The following ANO4 variants were observed in gnomAD, a reference collection of about 807,000 sequenced individuals.
The protein encoded by ANO4 is anoctamin-4.
Under a neutral mutation model 141.9 loss-of-function variants are expected in ANO4, and 69 were observed. That is an observed-to-expected ratio of 0.49 (90% CI 0.40 to 0.59). ANO4 has a LOEUF of 0.59. Among genes scored for constraint, ANO4 ranks in the 20% least tolerant of loss-of-function variants. ANO4 has a pLI of 0.00. For synonymous variants in ANO4, 350 were observed against 394.3 expected (o/e 0.89, Z 1.33); for missense variants, 894 against 1,162.2 (o/e 0.77, Z 3.36).
At chr12:100,824,355 C>G (rs1016836633) in intron 1 of ANO4, among the ~76,000 whole-genome samples, 1 of 151,906 alleles carries the variant, frequency 6.6e-6, no homozygotes, top group African/African-American at 2.4e-5. Context: ...TTAAAGATTC[C>G]TTTCCAAGAT....
chr12:100,820,843 C>T (rs1184317636), intron 1 of ANO4, among the ~76,000 whole-genome samples: 1 of 152,074 alleles, frequency 6.6e-6, no homozygotes, highest in Non-Finnish European at 1.5e-5. Context: ...GCTCTTCCTT[C>T]TGCTTTGTCA....
chr12:100,760,617 G>A (rs778318204), intron 3 of ANO4, among the ~76,000 whole-genome samples: 1 of 152,114 alleles, frequency 6.6e-6, no homozygotes, highest in Non-Finnish European at 1.5e-5. Context: ...AATGCTTTAT[G>A]CTGTGGAGTC....
At chr12:101,060,080 C>T (rs1329882814) in intron 14 of ANO4, among the ~76,000 whole-genome samples, 1 of 152,146 alleles carries the variant, frequency 6.6e-6, no homozygotes, top group African/African-American at 2.4e-5. Flanking sequence ...GTACGTTGTG[C>T]CTTTGTTCCC....
At chr12:100,760,649 T>A (rs1423391145) in intron 3 of ANO4, among the ~76,000 whole-genome samples, 1 of 152,200 alleles carries the variant, frequency 6.6e-6, no homozygotes, top group Non-Finnish European at 1.5e-5. Context: ...CCTTCCCCTC[T>A]AGTCTTGTAA....
At chr12:100,884,321 A>AT (rs2135966161) in intron 1 of ANO4, among the ~76,000 whole-genome samples, 1 of 152,326 alleles carries the variant, frequency 6.6e-6, no homozygotes, top group Non-Finnish European at 1.5e-5. Flanking sequence ...AGTTAAGGAA[A>AT]TTAAATATCG....
At position 101,116,669 on chromosome 12, in the gene ANO4, C is replaced by T. The variant is rs775052449; in HGVS notation, c.2451-10C>T. The stretch of plus-strand genomic sequence containing the variant: ...AGTGTTCTAATGGTAGAATGTGCCT[C>T]CTCTTATAGGTGCATGGTTGGCTAT... On this transcript the variant is annotated splice_polypyrimidine_tract_variant and intron_variant, in intron 24 of 27. Transcript: ENST00000392977. 1 of 1,614,062 alleles carries T rather than the reference C, an allele frequency of 6.2e-7. No individual in the cohort carries two copies. The highest frequency in any genetic ancestry group is 8.5e-7 in the Non-Finnish European group (1 of 1,179,980).
At chr12:100,893,248 T>A (rs984792781) in intron 1 of ANO4, among the ~76,000 whole-genome samples, 2 of 151,944 alleles carry the variant, frequency 1.3e-5, no homozygotes, top group African/African-American at 4.8e-5. Flanking sequence ...GGATTTTTTT[T>A]TTTTTCATGA....
chr12:100,859,481 A>G (rs995639370), intron 1 of ANO4, among the ~76,000 whole-genome samples: 15 of 152,182 alleles, frequency 9.9e-5, no homozygotes, highest in African/African-American at 3.6e-4. Context: ...TTATGGTGGC[A>G]GAATCTAGTC....
At chr12:100,733,962 A>G (rs2031502032) in intron 2 of ANO4, 1 of 595,024 alleles carries the variant, frequency 1.7e-6, no homozygotes, top group Non-Finnish European at 3.0e-6. Context: ...ATATAAATGC[A>G]TAGGCATTTA....
At chr12:101,099,860 C>T in intron 22 of ANO4, 140 bp downstream of exon 22, 1 of 619,202 alleles carries the variant, frequency 1.6e-6, no homozygotes, top group Non-Finnish European at 2.5e-6. Flanking sequence ...GCATGTCCTG[C>T]TTAAACTGTG....
chr12:101,001,772 T>C (rs781607643), intron 8 of ANO4, among the ~76,000 whole-genome samples: 1 of 152,188 alleles, frequency 6.6e-6, no homozygotes, highest in Non-Finnish European at 1.5e-5. Context: ...CTGGGCCTGC[T>C]TCTGACTCAC....
intron 4 of ANO4, 151 bp from the exon 5 acceptor site, chr12:100,942,226 G>C: frequency 2.7e-6 from 2 of 729,182 alleles, no homozygotes; most frequent in African/African-American, 1.8e-5. Context: ...TGATCCACCC[G>C]CCTCGGCCTC....
rs116928309 is a variant in ANO4 at position 101,097,384 on chromosome 12, T to C, written c.1851-267T>C. 1.0e-3 allele frequency among the ~76,000 whole-genome samples: 154 copies of C among 152,266 alleles called. 2 individuals carry two copies. The East Asian group carries it at 0.021, about 21-fold the overall frequency. On this transcript the variant is annotated intron_variant, in intron 19 of 27. Transcript: ENST00000392977. ...CTTACACAGGTCAGAGCAATTGATA[T>C]GCAGCAGAAAATGTTGAAAGTCCAC...
intron 3 of ANO4, among the ~76,000 whole-genome samples, chr12:100,935,754 C>G (rs1006120061): frequency 3.3e-5 from 5 of 152,104 alleles, no homozygotes; most frequent in African/African-American, 4.8e-5. Context: ...GTGGTAGGCA[C>G]TGAATATACT....
At chr12:100,845,744 GA>G (rs200370305) in intron 1 of ANO4, among the ~76,000 whole-genome samples, 1,789 of 151,988 alleles carry the variant, frequency 0.012, 27 homozygotes, top group African/African-American at 0.04. Context: ...GGGAATAAAT[GA>G]AAAAAAGTAA....
At chr12:100,766,344 A>G (rs953409595) in intron 3 of ANO4, among the ~76,000 whole-genome samples, 8 of 151,968 alleles carry the variant, frequency 5.3e-5, no homozygotes, top group African/African-American at 1.7e-4. Flanking sequence ...TCTTTATTTG[A>G]GATCTTTCTC....
chr12:100,803,913 T>C (rs143134886), intron 1 of ANO4, among the ~76,000 whole-genome samples: 30 of 152,234 alleles, frequency 2.0e-4, no homozygotes, highest in Admixed American at 1.7e-3. Flanking sequence ...AGTTCTCACA[T>C]GTATATATGT....
intron 1 of ANO4, among the ~76,000 whole-genome samples, chr12:100,882,886 A>G (rs1378813311): frequency 6.6e-6 from 1 of 152,106 alleles, no homozygotes; most frequent in African/African-American, 2.4e-5. Context: ...TTTTTAGTAG[A>G]GACGAGGTTT....
intron 1 of ANO4, among the ~76,000 whole-genome samples, chr12:100,805,217 A>G (rs1219531321): frequency 1.3e-5 from 2 of 152,074 alleles, no homozygotes. Flanking sequence ...TTCTTTCCCC[A>G]TTGCTAGTGT....
Sources: allele counts gnomAD v4.1 joint callset (sites outside exome capture counted in the v4.1 genomes callset), GRCh38; gene constraint gnomAD v4.1.1; transcripts MANE v1.5; gene names NCBI Gene and HGNC (gene_info 2026-07-23, HGNC 2026-07-21).